Variants in SPATA13 observed in about 807,000 individuals in gnomAD.
SPATA13 encodes spermatogenesis associated 13.
In SPATA13, 50 loss-of-function variants were observed where a neutral mutation model predicts 104.0. The observed-to-expected ratio is 0.48, with a 90% confidence interval of 0.38 to 0.61. The LOEUF is 0.61. Ranked by LOEUF, SPATA13 falls within the 20% of genes least tolerant of loss-of-function variation. The pLI is 0.00. For synonymous variants in SPATA13, 606 were observed against 667.5 expected (o/e 0.91, Z 1.42); for missense variants, 1,524 against 1,690.6 (o/e 0.90, Z 1.73).
intron 8 of SPATA13, among the ~76,000 whole-genome samples, chr13:24,289,697 G>A (rs1054535761): frequency 6.6e-6 from 1 of 152,210 alleles, no homozygotes; most frequent in Non-Finnish European, 1.5e-5. Flanking sequence ...AGGACGCATG[G>A]TTGTGATACT....
chr13:24,049,773 A>G (rs1878274019), intron 3 of SPATA13, among the ~76,000 whole-genome samples: 1 of 152,176 alleles, frequency 6.6e-6, no homozygotes, highest in Non-Finnish European at 1.5e-5. Context: ...AAAGTACCTC[A>G]AGTGTCTGTC....
At chr13:23,987,252 G>T (rs1875192986) in intron 2 of SPATA13, among the ~76,000 whole-genome samples, 1 of 151,932 alleles carries the variant, frequency 6.6e-6, no homozygotes, top group Non-Finnish European at 1.5e-5. Flanking sequence ...TAGCTAATGT[G>T]GTATTTCAGA....
chr13:24,255,087 C>A (rs982018213), intron 4 of SPATA13, among the ~76,000 whole-genome samples: 2 of 152,208 alleles, frequency 1.3e-5, no homozygotes, highest in East Asian at 3.8e-4. Context: ...TAGCTCCTAA[C>A]CAGGAGTGCG....
intron 4 of SPATA13, among the ~76,000 whole-genome samples, chr13:24,279,554 C>T (rs1210235427): frequency 6.6e-6 from 1 of 152,074 alleles, no homozygotes; most frequent in African/African-American, 2.4e-5. Flanking sequence ...GGGACCCAGG[C>T]TTGAGTGGTG....
At position 24,240,324 on chromosome 13, in the gene SPATA13, G is replaced by A. The variant is rs960914960; in HGVS notation, c.1654-9153G>A. Among the ~76,000 whole-genome samples, 55 of 152,128 alleles carry A rather than the reference G, an allele frequency of 3.6e-4. 2 individuals are homozygous for A. Among genetic ancestry groups the A allele is most frequent in the Middle Eastern group, 6.8e-3 (2 of 292 alleles). On this transcript the variant is annotated intron_variant, in intron 2 of 12. Transcript: ENST00000382108. ...CTACCTGGATGTCAATCTCAGTGTC[G>A]TGTTACTATTGATTTTGAGATGGCA...
At chr13:23,989,798 A>T (rs1313163818) in intron 2 of SPATA13, among the ~76,000 whole-genome samples, 1 of 152,212 alleles carries the variant, frequency 6.6e-6, no homozygotes, top group Non-Finnish European at 1.5e-5. Context: ...TGATTAGATC[A>T]TGAGGACAGA....
chr13:24,046,034 G>T (rs956528766), intron 3 of SPATA13, among the ~76,000 whole-genome samples: 52 of 152,148 alleles, frequency 3.4e-4, no homozygotes, highest in African/African-American at 1.2e-3. Flanking sequence ...AAAATACAAA[G>T]CATTGCATGT....
chr13:24,060,518 C>T (rs1878735747), intron 3 of SPATA13, among the ~76,000 whole-genome samples: 1 of 152,156 alleles, frequency 6.6e-6, no homozygotes, highest in Non-Finnish European at 1.5e-5. Flanking sequence ...TGGACATAGG[C>T]ATAGGGAAAG....
chr13:24,059,656 C>T (rs1253473836), intron 3 of SPATA13, among the ~76,000 whole-genome samples: 1 of 152,162 alleles, frequency 6.6e-6, no homozygotes, highest in African/African-American at 2.4e-5. Flanking sequence ...TAAGTGTGTC[C>T]ATTTTATAAT....
chr13:24,141,320 T>A (rs890296935), intron 3 of SPATA13, among the ~76,000 whole-genome samples: 3 of 152,126 alleles, frequency 2.0e-5, no homozygotes, highest in African/African-American at 7.2e-5. Context: ...GATAATTAAT[T>A]AATTAACCCT....
At chr13:24,003,507 C>T (rs1313465751) in intron 2 of SPATA13, among the ~76,000 whole-genome samples, 1 of 152,142 alleles carries the variant, frequency 6.6e-6, no homozygotes, top group Non-Finnish European at 1.5e-5. Flanking sequence ...TCTTTGGAAG[C>T]ATGTAAAGGC....
At chr13:24,302,121 T>A (rs1383836657) in intron 12 of SPATA13, among the ~76,000 whole-genome samples, 1 of 152,150 alleles carries the variant, frequency 6.6e-6, no homozygotes, top group East Asian at 1.9e-4. Flanking sequence ...CCGCTGCACG[T>A]CCTGGCATTC....
chr13:24,251,517 A>C (rs1033359047), intron 3 of SPATA13: 21 of 985,338 alleles, frequency 2.1e-5, no homozygotes, highest in Non-Finnish European at 2.4e-5. Flanking sequence ...GGTGCGGGCC[A>C]GTAAGCTGAT....
chr13:24,165,933 T>G (rs1882713074), intron 1 of SPATA13, among the ~76,000 whole-genome samples: 1 of 152,140 alleles, frequency 6.6e-6, no homozygotes. Flanking sequence ...TTTAAACACA[T>G]CCGGGTTGTG....
chr13:24,233,804 A>G (rs1872413525), intron 2 of SPATA13, among the ~76,000 whole-genome samples: 1 of 151,590 alleles, frequency 6.6e-6, no homozygotes, highest in South Asian at 2.1e-4. Flanking sequence ...CAGAGTGAGG[A>G]CCCCCTGGGA....
intron 11 of SPATA13, among the ~76,000 whole-genome samples, chr13:24,299,509 A>G (rs1361325074): frequency 1.3e-5 from 2 of 152,192 alleles, no homozygotes. Flanking sequence ...GGAGGCAGGG[A>G]CAGCCCGGTG....
chr13:24,209,244 C>T (rs186852779), intron 1 of SPATA13, among the ~76,000 whole-genome samples: 32 of 152,290 alleles, frequency 2.1e-4, no homozygotes, highest in African/African-American at 7.5e-4. Flanking sequence ...AGGTGCTATC[C>T]CCGTTTCTCT....
intron 2 of SPATA13, among the ~76,000 whole-genome samples, chr13:23,993,519 C>A (rs1875515065): frequency 1.3e-5 from 2 of 152,196 alleles, no homozygotes; most frequent in African/African-American, 4.8e-5. Context: ...TGTTGTTTCA[C>A]AGATGTCAAA....
chr13:24,104,561 C>T (rs936925345), intron 3 of SPATA13, among the ~76,000 whole-genome samples: 3 of 152,116 alleles, frequency 2.0e-5, no homozygotes, highest in African/African-American at 4.8e-5. Flanking sequence ...AAGAGCTCCT[C>T]GGAAAGAAGC....
Sources: allele counts gnomAD v4.1 joint callset (sites outside exome capture counted in the v4.1 genomes callset), GRCh38; gene constraint gnomAD v4.1.1; transcripts MANE v1.5; gene names NCBI Gene and HGNC (gene_info 2026-07-23, HGNC 2026-07-21).